MYOM2: variants seen among roughly 807,000 people sequenced by gnomAD.
The protein encoded by MYOM2 is myomesin 2, also known as myomesin-2.
Under a neutral mutation model 187.6 loss-of-function variants are expected in MYOM2, and 254 were observed. The ratio of observed to expected loss-of-function variants is 1.35; its 90% CI spans 1.22 to 1.50. The LOEUF is 1.50. MYOM2 is among the 40% of genes most tolerant of loss of function. MYOM2 has a pLI of 0.00. For missense variants in MYOM2, 2,796 were observed against 1,924.0 expected (o/e 1.45, Z -8.48); for synonymous variants, 981 against 753.8 (o/e 1.30, Z -4.94).
chr8:2,098,123 C>A (rs1294504463), intron 18 of MYOM2: 1 of 152,270 alleles, frequency 6.6e-6, no homozygotes, highest in East Asian at 1.9e-4. Context: ...TACCTGCTTA[C>A]TTTCTGAGTG....
intron 3 of MYOM2, among the ~76,000 whole-genome samples, chr8:2,054,366 G>C (rs1033500299): frequency 6.6e-6 from 1 of 152,182 alleles, no homozygotes; most frequent in African/African-American, 2.4e-5. Context: ...CATTGGAAAT[G>C]TCCCTCTGAC....
At chr8:2,122,816 T>A (rs1797502320) in intron 28 of MYOM2, among the ~76,000 whole-genome samples, 1 of 152,232 alleles carries the variant, frequency 6.6e-6, no homozygotes, top group South Asian at 2.1e-4. Flanking sequence ...AGATTTCATT[T>A]TCTTTGTGTC....
chr8:2,076,263 A>T lies in MYOM2; in HGVS notation c.1243A>T (p.Met415Leu), dbSNP rs1480174612. Residue 415 changes from methionine to leucine, a missense_variant, in exon 11 of 37, where the codon ATG becomes TTG. By Grantham distance (15) the Met-to-Leu change is conservative (BLOSUM62 2). Coordinates refer to ENST00000262113, the MANE Select transcript of MYOM2 (RefSeq NM_003970.4). The part of the protein sequence containing the change: ...PPNTTTESPV[M>L]GYFVDRCEVG... ...CAACACCACCACTGAGAGCCCCGTC[A>T]TGGGCTATTTTGTGGACCGGTGAGC... The T allele has an allele frequency of 6.2e-7, 1 of 1,613,644 alleles. No individual in the cohort carries two copies. Among genetic ancestry groups the T allele is most frequent in the African/African-American group, 1.3e-5 (1 of 74,912 alleles).
rs753069760 is a variant in MYOM2 at position 2,073,481 on chromosome 8, C to A, written c.1101C>A (p.Ser367Arg). 2.5e-6 allele frequency: 4 copies of A among 1,605,632 alleles called. No homozygotes were observed. The highest frequency in any genetic ancestry group is 2.7e-5 in the African/African-American group (2 of 74,752). ...CTCGGGGCGGCGTCAGCGACCACAG[C>A]GCCTTCCTGTTTGTCAGAGGTGCGG... ...IVSRGGVSDH[S>R]AFLFVRDADP... The change falls in exon 10 of 37, where the codon AGC becomes AGA. Residue 367 changes from serine (S) to arginine (R), a missense_variant. By Grantham distance (110) the Ser-to-Arg change is moderately radical. Transcript: ENST00000262113.
intron 32 of MYOM2, among the ~76,000 whole-genome samples, chr8:2,137,410 C>G (rs1339857701): frequency 2.0e-5 from 3 of 151,900 alleles, no homozygotes; most frequent in African/African-American, 7.3e-5. Flanking sequence ...ATCACAAATC[C>G]CCAAGCAGTA....
intron 6 of MYOM2, among the ~76,000 whole-genome samples, chr8:2,066,775 C>G (rs548364188): frequency 6.6e-6 from 1 of 152,126 alleles, no homozygotes; most frequent in Admixed American, 6.5e-5. Context: ...TTGGAGAAAG[C>G]CTCTACTTAT....
chr8:2,100,033 T>C (rs11783140), intron 19 of MYOM2, among the ~76,000 whole-genome samples: 2 of 110,140 alleles, frequency 1.8e-5, no homozygotes, highest in South Asian at 3.7e-4. Context: ...TCCTTCCTTC[T>C]TTCCTTCCTT....
intron 6 of MYOM2, among the ~76,000 whole-genome samples, chr8:2,066,640 C>G (rs572497402): frequency 1.3e-5 from 2 of 152,324 alleles, no homozygotes; most frequent in East Asian, 1.9e-4. Context: ...CTCCTTCCAC[C>G]GCGGACCCCA....
rs775565462 is a variant in MYOM2, at chr8:2,098,911, C to G, written c.2368C>G (p.Leu790Val). The change falls in exon 19 of 37, where the codon CTG (leucine) becomes GTG (valine). Residue 790 changes from leucine (L) to valine (V), a missense_variant. Physicochemically the swap from Leu to Val is conservative, Grantham distance 32. Coordinates refer to ENST00000262113, the MANE Select transcript of MYOM2 (RefSeq NM_003970.4). ...LYEFKIAAVN[L>V]AGIGEPSDPS... ...CGAGTTCAAAATCGCCGCCGTCAAC[C>G]TGGCCGGCATCGGGGAGCCCTCAGA... The G allele has an allele frequency of 1.9e-6, 3 of 1,613,356 alleles. No individual in the cohort carries two copies. The highest frequency in any genetic ancestry group is 2.2e-5 in the South Asian group (2 of 90,782).
chr8:2,137,619 A>G (rs1364781677), intron 32 of MYOM2, among the ~76,000 whole-genome samples: 1 of 150,830 alleles, frequency 6.6e-6, no homozygotes, highest in East Asian at 1.9e-4. Context: ...AGTTCCAACA[A>G]GAGAGGGTGA....
At position 2,094,070 on chromosome 8, in the gene MYOM2, A is replaced by G; in HGVS notation, c.2104A>G (p.Ile702Val). Residue 702 changes from isoleucine (I) to valine (V), a missense_variant, in exon 17 of 37, where the codon ATA becomes GTA. By Grantham distance (29) the Ile-to-Val change is conservative. Coordinates refer to ENST00000262113, the MANE Select transcript of MYOM2 (RefSeq NM_003970.4). ...MSENSQESDV[I>V]KVQAALTVPS... is the part of the protein sequence containing the mutation. ...TGAAAATTCCCAGGAATCAGACGTCATAAAAGTGCAGGCCGCACTCAGTAA... is the reference window on the plus strand; with the variant it reads ...TGAAAATTCCCAGGAATCAGACGTCGTAAAAGTGCAGGCCGCACTCAGTAA... 6.2e-7 allele frequency: 1 copy of G among 1,614,220 alleles called. No homozygotes were observed. The highest frequency in any genetic ancestry group is 8.5e-7 in the Non-Finnish European group (1 of 1,180,044).
At position 2,123,314 on chromosome 8, in the gene MYOM2, G is replaced by T. The variant is rs558216775; in HGVS notation, c.3516G>T (p.Thr1172=). ...TCAAGGATGATGTTCTGTATGAAAC[G>T]GAGACACTGCCTAACCTGGAGAGGG... The part of the protein sequence containing the change: ...KWLKDDVLYE[T]ETLPNLERGI... Residue 1172 remains threonine, a synonymous_variant, in exon 29 of 37, where the codon ACG becomes ACT. Coordinates refer to ENST00000262113, the MANE Select transcript of MYOM2 (RefSeq NM_003970.4). 2.5e-6 allele frequency: 4 copies of T among 1,614,046 alleles called. No homozygotes were observed. The African/African-American group carries it at 5.3e-5, about 22-fold the overall frequency.
At chr8:2,100,609 T>C (rs549415508) in intron 19 of MYOM2, 256 of 468,154 alleles carry the variant, frequency 5.5e-4, no homozygotes, top group African/African-American at 4.8e-3. Flanking sequence ...TCGCATCTGC[T>C]GGTCCCGAGA....
intron 3 of MYOM2, among the ~76,000 whole-genome samples, chr8:2,053,208 A>T (rs987400175): frequency 6.6e-6 from 1 of 152,264 alleles, no homozygotes; most frequent in African/African-American, 2.4e-5. Context: ...TCTGTTGAAT[A>T]TAAACAATGT....
In MYOM2 at chr8:2,076,257, C is replaced by G. The variant is rs35523632; in HGVS notation, c.1237C>G (p.Pro413Ala). 1 of 1,613,664 alleles carries G rather than the reference C, an allele frequency of 6.2e-7. No individual in the cohort carries two copies. Among genetic ancestry groups the G allele is most frequent in the African/African-American group, 1.3e-5 (1 of 74,914 alleles). Residue 413 changes from proline to alanine, a missense_variant, in exon 11 of 37, where the codon CCC (proline) becomes GCC (alanine). Physicochemically the swap from Pro to Ala is conservative, Grantham distance 27. Transcript: ENST00000262113. Reference protein sequence around the residue: ...WKPPNTTTESPVMGYFVDRCE... With the variant: ...WKPPNTTTESAVMGYFVDRCE... The stretch of plus-strand genomic sequence containing the variant: ...GCCGCCCAACACCACCACTGAGAGC[C>G]CCGTCATGGGCTATTTTGTGGACCG...
At position 2,065,164 on chromosome 8, in the gene MYOM2, T is replaced by G. The variant is rs1375885410; in HGVS notation, c.654-4114T>G. Among the ~76,000 whole-genome samples the G allele has an allele frequency of 3.3e-5, 5 of 152,234 alleles. No homozygotes were observed. The East Asian group carries it at 9.6e-4, about 29-fold the overall frequency. On this transcript the variant is annotated intron_variant, in intron 6 of 36. Coordinates refer to ENST00000262113, the MANE Select transcript of MYOM2 (RefSeq NM_003970.4). ...GCTCAATACATGTATTCTAGAAGTC[T>G]AAAATACCCACAATGTGTTTATTAT...
Position 2,079,568 on chromosome 8 carries a change from T to C in MYOM2, c.1471T>C (p.Leu491=), listed in dbSNP as rs1321781552. 3 of 1,613,870 alleles carry C rather than the reference T, an allele frequency of 1.9e-6. No homozygotes were observed. The highest frequency in any genetic ancestry group is 3.3e-5 in the Admixed American group (2 of 59,996). ...LDLRRLQAVH[L]EGEKEIAIYQ... is the part of the protein sequence containing the mutation. ...AACCTTTCTCTCCGCAGCCGTTCAT[T>C]TGGAGGGAGAGAAGGAGATTGCCAT... is the stretch of plus-strand genomic sequence containing the variant. Residue 491 remains leucine (L), a synonymous_variant, in exon 13 of 37, where the codon TTG becomes CTG. Transcript: ENST00000262113.
intron 35 of MYOM2, 143 bp from the exon 36 acceptor site, chr8:2,143,258 A>T: frequency 1.1e-6 from 1 of 927,478 alleles, no homozygotes; most frequent in South Asian, 1.4e-5. Context: ...TAAACATATA[A>T]ACCTTTTTCT....
chr8:2,126,922 G>T (rs1445225871), intron 31 of MYOM2, among the ~76,000 whole-genome samples: 1 of 148,468 alleles, frequency 6.7e-6, no homozygotes, highest in Non-Finnish European at 1.5e-5. Context: ...CACTGGGGGA[G>T]GCAGATAGAG....
Sources: gnomAD v4.1 joint callset for allele counts (sites outside exome capture counted in the v4.1 genomes callset) on GRCh38, gnomAD v4.1.1 for gene constraint, MANE v1.5 for transcripts, NCBI Gene and HGNC (gene_info 2026-07-23, HGNC 2026-07-21) for gene names.